The following EFNA5 variants were observed in gnomAD, a reference collection of about 807,000 sequenced individuals.
EFNA5 encodes the protein ephrin A5, also known as ephrin-A5.
EFNA5 carries 5 observed loss-of-function variants against 22.9 expected under a neutral mutation model. The ratio of observed to expected loss-of-function variants is 0.22; its 90% CI spans 0.11 to 0.46. The LOEUF is 0.46. Among genes scored for constraint, EFNA5 ranks in the 20% least tolerant of loss-of-function variants. The probability of loss-of-function intolerance (pLI) is 0.99; values close to 1 mark genes in which losing one functional copy is unlikely to be tolerated. For missense variants in EFNA5, 237 were observed against 293.3 expected, an observed-to-expected ratio of 0.81 and a Z score of 1.40; for synonymous variants, 113 against 112.2, an observed-to-expected ratio of 1.01 and a Z score of -0.04.
At chr5:107,669,285 C>T (rs1261516470) in intron 1 of EFNA5, among the ~76,000 whole-genome samples, 2 of 151,836 alleles carry the variant, frequency 1.3e-5, no homozygotes, top group Admixed American at 1.3e-4. Flanking sequence ...CTCGGCCTCC[C>T]GCCTCTCTCT....
At chr5:107,501,485 T>C (rs1747133862) in intron 1 of EFNA5, among the ~76,000 whole-genome samples, 1 of 94,912 alleles carries the variant, frequency 1.1e-5, no homozygotes, top group Admixed American at 9.6e-5. Flanking sequence ...AGCCCCTCCT[T>C]AATCAGTTTG....
intron 1 of EFNA5, among the ~76,000 whole-genome samples, chr5:107,616,598 G>C (rs1434383656): frequency 6.6e-6 from 1 of 152,160 alleles, no homozygotes; most frequent in East Asian, 1.9e-4. Flanking sequence ...TCGTGTGTGT[G>C]TGTATGTGCG....
rs1554059800 is a variant in EFNA5, at chr5:107,448,866, T to TAAAATA, written c.126-21358_126-21357insTATTTT. On this transcript the variant is annotated intron_variant, in intron 1 of 4. Transcript: ENST00000333274. ...ATAAATAAATAAATAAATAAATAAA[T>TAAAATA]AAATAAAATAAAATAAAAACAAAAA... 9.6e-3 allele frequency among the ~76,000 whole-genome samples: 1,354 copies of TAAAATA among 141,292 alleles called. 21 individuals carry two copies. Among genetic ancestry groups the TAAAATA allele is most frequent in the African/African-American group, 0.031 (1,168 of 37,288 alleles). 92.7% of individuals were successfully genotyped at this position (141,292 alleles called of 152,430 possible).
At chr5:107,631,460 C>G (rs1244814128) in intron 1 of EFNA5, among the ~76,000 whole-genome samples, 2 of 151,668 alleles carry the variant, frequency 1.3e-5, no homozygotes, top group African/African-American at 4.8e-5. Flanking sequence ...TATGGTAAAA[C>G]TAAAAGAGTA....
At chr5:107,490,998 T>C (rs1043966751) in intron 1 of EFNA5, among the ~76,000 whole-genome samples, 15 of 152,228 alleles carry the variant, frequency 9.9e-5, no homozygotes, top group Non-Finnish European at 1.5e-4. Flanking sequence ...CTGGGTTCCA[T>C]ACTTGCTTAA....
intron 1 of EFNA5, among the ~76,000 whole-genome samples, chr5:107,550,097 T>C (rs1031481477): frequency 2.6e-5 from 4 of 152,200 alleles, no homozygotes; most frequent in Non-Finnish European, 4.4e-5. Context: ...AACTGTAAAA[T>C]AGCTGTCATC....
At chr5:107,529,499 A>G (rs930627193) in intron 1 of EFNA5, among the ~76,000 whole-genome samples, 7 of 152,192 alleles carry the variant, frequency 4.6e-5, no homozygotes, top group African/African-American at 1.7e-4. Context: ...CACTCCAGGC[A>G]GCACAATCTG....
chr5:107,522,520 T>A (rs1456978013), intron 1 of EFNA5, among the ~76,000 whole-genome samples: 1 of 152,164 alleles, frequency 6.6e-6, no homozygotes, highest in East Asian at 1.9e-4. Flanking sequence ...CACTTCAGCC[T>A]CCCAAGTAGC....
chr5:107,501,315 T>C (rs577651040), intron 1 of EFNA5, among the ~76,000 whole-genome samples: 15 of 152,230 alleles, frequency 9.9e-5, no homozygotes, highest in Non-Finnish European at 2.2e-4. Context: ...ACATCAACTA[T>C]ACAATCAATA....
intron 1 of EFNA5, among the ~76,000 whole-genome samples, chr5:107,650,295 C>G (rs1750704283): frequency 1.3e-5 from 2 of 152,054 alleles, no homozygotes; most frequent in South Asian, 2.1e-4. Context: ...AGTGTCAAAC[C>G]CTTTCTTCCC....
intron 1 of EFNA5, among the ~76,000 whole-genome samples, chr5:107,479,388 C>T (rs982607388): frequency 2.0e-5 from 3 of 152,102 alleles, no homozygotes; most frequent in African/African-American, 7.2e-5. Context: ...GCCCAGGCTA[C>T]CCTTGATTTT....
At chr5:107,454,040 G>A (rs1207582485) in intron 1 of EFNA5, among the ~76,000 whole-genome samples, 1 of 151,954 alleles carries the variant, frequency 6.6e-6, no homozygotes, top group African/African-American at 2.4e-5. Context: ...ACATTAAAGG[G>A]GTTCCAATAT....
intron 1 of EFNA5, among the ~76,000 whole-genome samples, chr5:107,466,911 C>T (rs1027754655): frequency 1.3e-5 from 2 of 152,100 alleles, no homozygotes; most frequent in Non-Finnish European, 2.9e-5. Context: ...AGATAACAAT[C>T]CTAAATTAAT....
chr5:107,457,321 G>C (rs1365965421), intron 1 of EFNA5, among the ~76,000 whole-genome samples: 1 of 151,994 alleles, frequency 6.6e-6, no homozygotes, highest in Non-Finnish European at 1.5e-5. Context: ...GCCTGATGAA[G>C]GCACTCTAGA....
intron 1 of EFNA5, among the ~76,000 whole-genome samples, chr5:107,451,005 T>C (rs1749545830): frequency 6.6e-6 from 1 of 152,244 alleles, no homozygotes; most frequent in African/African-American, 2.4e-5. Flanking sequence ...ACAGCTTTCT[T>C]TGCAATGTCT....
At chr5:107,503,554 A>G (rs1295818284) in intron 1 of EFNA5, among the ~76,000 whole-genome samples, 1 of 152,244 alleles carries the variant, frequency 6.6e-6, no homozygotes, top group Non-Finnish European at 1.5e-5. Context: ...CATAAAATTA[A>G]GAGTAAATCA....
At chr5:107,550,602 A>C (rs1404376685) in intron 1 of EFNA5, among the ~76,000 whole-genome samples, 2 of 152,226 alleles carry the variant, frequency 1.3e-5, no homozygotes, top group Non-Finnish European at 2.9e-5. Flanking sequence ...AGGCAGTTAT[A>C]ATTTTCATTC....
At chr5:107,386,099 G>A (rs1747611892) in intron 4 of EFNA5, among the ~76,000 whole-genome samples, 1 of 129,790 alleles carries the variant, frequency 7.7e-6, no homozygotes, top group African/African-American at 2.9e-5. Context: ...AGGAAAAAGT[G>A]GACCTTAATG....
intron 1 of EFNA5, among the ~76,000 whole-genome samples, chr5:107,637,496 CTGTG>C (rs61667880): frequency 1.0e-4 from 15 of 148,224 alleles, no homozygotes; most frequent in Middle Eastern, 3.6e-3. Context: ...CAGCAAGGCA[CTGTG>C]TGTGTGTGTG....
Sources: gnomAD v4.1 joint callset for allele counts (sites outside exome capture counted in the v4.1 genomes callset) on GRCh38, gnomAD v4.1.1 for gene constraint, MANE v1.5 for transcripts, NCBI Gene and HGNC (gene_info 2026-07-23, HGNC 2026-07-21) for gene names.